The following CIT variants were observed in gnomAD, a reference collection of about 807,000 sequenced individuals.
CIT encodes the protein citron rho-interacting serine/threonine kinase.
CIT carries 79 observed loss-of-function variants against 272.7 expected under a neutral mutation model. The ratio of observed to expected loss-of-function variants is 0.29; its 90% CI spans 0.24 to 0.35. The LOEUF (loss-of-function observed/expected upper bound fraction) is 0.35. Among genes scored for constraint, CIT ranks in the 10% least tolerant of loss-of-function variants. The probability of loss-of-function intolerance (pLI) is 1.00; values close to 1 mark genes in which losing one functional copy is unlikely to be tolerated. For synonymous variants in CIT, 948 were observed against 995.6 expected (o/e 0.95, Z 0.90); for missense variants, 1,909 against 2,618.3 (o/e 0.73, Z 5.91).
chr12:119,790,429 ACTAT>A (rs905044615), intron 10 of CIT, among the ~76,000 whole-genome samples: 2 of 152,292 alleles, frequency 1.3e-5, no homozygotes, highest in East Asian at 1.9e-4. Flanking sequence ...CAGTAAACAA[ACTAT>A]CTAATTATGA....
At chr12:119,709,056 A>G (rs1333040056) in intron 39 of CIT, among the ~76,000 whole-genome samples, 1 of 152,242 alleles carries the variant, frequency 6.6e-6, no homozygotes, top group Non-Finnish European at 1.5e-5. Flanking sequence ...ACATGATTAA[A>G]TGCAATGCAA....
At chr12:119,785,282 G>T (rs1298320287) in intron 10 of CIT, among the ~76,000 whole-genome samples, 1 of 152,206 alleles carries the variant, frequency 6.6e-6, no homozygotes, top group African/African-American at 2.4e-5. Context: ...TTGCAGATGG[G>T]ATTTAAGTTA....
intron 21 of CIT, among the ~76,000 whole-genome samples, chr12:119,758,354 G>C (rs278138): frequency 6.9e-4 from 105 of 152,266 alleles, no homozygotes; most frequent in African/African-American, 2.4e-3. Context: ...TCATTAGAGA[G>C]AGCAAAACAC....
At chr12:119,806,942 T>C (rs1428327371) in intron 9 of CIT, among the ~76,000 whole-genome samples, 1 of 152,102 alleles carries the variant, frequency 6.6e-6, no homozygotes, top group African/African-American at 2.4e-5. Context: ...TCACTGAATA[T>C]GTTAAATAGC....
chr12:119,763,356 G>A (rs941438838), intron 19 of CIT, among the ~76,000 whole-genome samples: 2 of 9,160 alleles, frequency 2.2e-4, no homozygotes, highest in African/African-American at 2.3e-3. Context: ...AAGCAGCTGG[G>A]ACTACAGATG....
At chr12:119,700,934 G>A in intron 43 of CIT, 109 bp from the exon 44 acceptor site, 2 of 805,306 alleles carry the variant, frequency 2.5e-6, no homozygotes, top group Non-Finnish European at 2.1e-6. Context: ...CCCCTGGCCA[G>A]ATGGGACTGA....
intron 40 of CIT, among the ~76,000 whole-genome samples, chr12:119,707,958 T>C (rs762546294): frequency 4.6e-5 from 7 of 152,214 alleles, no homozygotes; most frequent in Non-Finnish European, 1.0e-4. Context: ...AACCTCTGTC[T>C]TCCTTTATCT....
At chr12:119,778,466 A>G (rs1461588510) in intron 13 of CIT, among the ~76,000 whole-genome samples, 1 of 152,220 alleles carries the variant, frequency 6.6e-6, no homozygotes, top group Non-Finnish European at 1.5e-5. Context: ...TTTAAAAATC[A>G]CAATATTCAG....
At position 119,730,627 on chromosome 12, in the gene CIT, C is replaced by T. The variant is rs1393440175; in HGVS notation, c.3354G>A (p.Ala1118=). The T allele has an allele frequency of 6.2e-7, 1 of 1,613,456 alleles. No individual in the cohort carries two copies. The highest frequency in any genetic ancestry group is 1.7e-4 in the Middle Eastern group (1 of 5,998). Residue 1118 remains alanine (A), a synonymous_variant, in exon 27 of 48, where the codon GCG becomes GCA. Transcript: ENST00000392521. ...RMLDTEKQSR[A]RADQRITESR... is the part of the protein sequence containing the mutation. ...ACTCGGTGATCCGCTGATCGGCTCT[C>T]GCCCTGCCAGAAAGACACAGGTCAG... is the stretch of plus-strand genomic sequence containing the variant.
rs146233169 is a variant in CIT at position 119,726,535 on chromosome 12, C to T, written c.3591+1967G>A. ...TTCAATAAAATATTTTATACTCACC[C>T]GCAAAAATGTCACTATACTTTTCAA... On this transcript the variant is annotated intron_variant, in intron 28 of 47. Transcript: ENST00000392521. 1.8e-4 allele frequency among the ~76,000 whole-genome samples: 28 copies of T among 151,856 alleles called. No homozygotes were observed. The East Asian group carries it at 5.4e-3, about 29-fold the overall frequency.
chr12:119,750,742 T>G (rs984807905), intron 23 of CIT, among the ~76,000 whole-genome samples: 3 of 138,910 alleles, frequency 2.2e-5, no homozygotes, highest in Non-Finnish European at 4.6e-5. Flanking sequence ...GTTAAATATA[T>G]ATAGATATAG....
chr12:119,794,755 A>G (rs568792235), intron 10 of CIT, among the ~76,000 whole-genome samples: 1 of 152,338 alleles, frequency 6.6e-6, no homozygotes, highest in East Asian at 1.9e-4. Context: ...ATAAGGCGGA[A>G]GCAGGGAGAA....
At chr12:119,870,787 C>T (rs1950650675) in intron 2 of CIT, among the ~76,000 whole-genome samples, 1 of 152,062 alleles carries the variant, frequency 6.6e-6, no homozygotes, top group South Asian at 2.1e-4. Context: ...ACAGAGACTA[C>T]AGGACCCACA....
chr12:119,870,802 C>T (rs1478015572), intron 2 of CIT, among the ~76,000 whole-genome samples: 1 of 152,016 alleles, frequency 6.6e-6, no homozygotes, highest in East Asian at 1.9e-4. Context: ...CCCACAAAGC[C>T]TAAAATATTT....
intron 9 of CIT, among the ~76,000 whole-genome samples, chr12:119,820,995 T>G (rs546958844): frequency 3.2e-4 from 48 of 152,186 alleles, no homozygotes; most frequent in Non-Finnish European, 5.6e-4. Context: ...AAGATTTACT[T>G]AAATTAAAAG....
At chr12:119,723,327 A>G (rs973636958) in intron 28 of CIT, among the ~76,000 whole-genome samples, 10 of 150,662 alleles carry the variant, frequency 6.6e-5, no homozygotes, top group African/African-American at 2.4e-4. Context: ...AGCCCAAAAT[A>G]TTTTTCTAGA....
At position 119,713,833 on chromosome 12, in the gene CIT, C is replaced by T; in HGVS notation, c.4307-185G>A. Reference sequence around the variant, plus strand: ...CCTGCAGAAAGGGAAAACAAAAGTGCCAAGTGCTCTTGACCCAGTTTTCCA... The same window carrying T: ...CCTGCAGAAAGGGAAAACAAAAGTGTCAAGTGCTCTTGACCCAGTTTTCCA... On this transcript the variant is annotated intron_variant, in intron 33 of 47. Transcript: ENST00000392521. This position sits in a 1 kb window ranked among gnomAD's most constrained non-coding sequence, Gnocchi z 5.2. 1.5e-6 allele frequency: 1 copy of T among 656,424 alleles called. No individual in the cohort carries two copies. The highest frequency in any genetic ancestry group is 2.6e-6 in the Non-Finnish European group (1 of 383,574). The allele number at this position is 656,424 out of a possible 1,614,324, so 40.7% of individuals were successfully genotyped here. A position where few individuals can be genotyped will look rare whatever the true frequency, so the allele number is the denominator to read the frequency against.
At chr12:119,811,169 A>G (rs1966844704) in intron 9 of CIT, among the ~76,000 whole-genome samples, 1 of 152,154 alleles carries the variant, frequency 6.6e-6, no homozygotes, top group Non-Finnish European at 1.5e-5. Context: ...TACAAAAAAT[A>G]CAAAAAATTA....
chr12:119,760,186 CA>C lies in CIT; in HGVS notation c.2421+752del, dbSNP rs556831232. On this transcript the variant is annotated intron_variant, in intron 20 of 47. Transcript: ENST00000392521. ...TGGGTGACAGAGTGAGATTCCATCT[CA>C]AAAAAAAAAAAAAAAAAGAGAGAGA... 4.0e-3 allele frequency among the ~76,000 whole-genome samples: 252 copies of C among 63,016 alleles called. 1 individual carries two copies. In the East Asian group the frequency reaches 0.055, roughly 14 times the overall value. The allele number at this position is 63,016 out of a possible 152,430, so 41.3% of individuals were successfully genotyped here. A position where few individuals can be genotyped will look rare whatever the true frequency, so the allele number is the denominator to read the frequency against.
Sources: allele counts gnomAD v4.1 joint callset (sites outside exome capture counted in the v4.1 genomes callset), GRCh38; gene constraint gnomAD v4.1.1; non-coding constraint Gnocchi (gnomAD v3.1); transcripts MANE v1.5; gene names NCBI Gene and HGNC (gene_info 2026-07-23, HGNC 2026-07-21).